The following SGCZ variants were observed in gnomAD, a reference collection of about 807,000 sequenced individuals.
SGCZ encodes sarcoglycan zeta, also known as zeta-sarcoglycan.
Under a neutral mutation model 41.3 loss-of-function variants are expected in SGCZ, and 40 were observed. The observed-to-expected ratio is 0.97, with a 90% CI of 0.75 to 1.26. The LOEUF (loss-of-function observed/expected upper bound fraction) is 1.26, where lower values mean the gene tolerates loss of function less well. Ranked by LOEUF, SGCZ falls within the 50% of genes most tolerant of loss-of-function variation. The probability of loss-of-function intolerance (pLI) is 0.00; values close to 1 mark genes in which losing one functional copy is unlikely to be tolerated. For synonymous variants in SGCZ, 206 were observed against 137.5 expected (o/e 1.50, Z -3.49); for missense variants, 552 against 369.8 (o/e 1.49, Z -4.04).
intron 2 of SGCZ, among the ~76,000 whole-genome samples, chr8:14,521,393 T>A (rs1202757158): frequency 2.0e-5 from 3 of 152,124 alleles, no homozygotes; most frequent in Non-Finnish European, 4.4e-5. Flanking sequence ...TAGTAATCTG[T>A]ACAACAAACT....
chr8:15,074,986 T>C (rs1213677655), intron 1 of SGCZ, among the ~76,000 whole-genome samples: 2 of 152,124 alleles, frequency 1.3e-5, no homozygotes, highest in East Asian at 1.9e-4. Context: ...ATGAATTGTA[T>C]CCTTCCTCTC....
chr8:14,294,656 G>T (rs1168013901), intron 3 of SGCZ, among the ~76,000 whole-genome samples: 1 of 151,882 alleles, frequency 6.6e-6, no homozygotes, highest in Non-Finnish European at 1.5e-5. Context: ...AAAAATATTT[G>T]AAAAATCACA....
intron 4 of SGCZ, among the ~76,000 whole-genome samples, chr8:14,190,245 C>T (rs554225825): frequency 9.9e-5 from 15 of 151,970 alleles, no homozygotes; most frequent in Admixed American, 3.3e-4. Context: ...AACTCCTGAC[C>T]TTGTGATCCG....
chr8:14,590,123 A>G (rs1400194240), intron 1 of SGCZ, among the ~76,000 whole-genome samples: 1 of 152,132 alleles, frequency 6.6e-6, no homozygotes, highest in Non-Finnish European at 1.5e-5. Context: ...AAAGAACAGT[A>G]ATAATCAAGT....
chr8:14,629,436 A>T (rs893191766), intron 1 of SGCZ, among the ~76,000 whole-genome samples: 4 of 152,178 alleles, frequency 2.6e-5, no homozygotes. Context: ...TATAATGTAC[A>T]AACAGATCCA....
At chr8:15,032,999 C>T (rs1803736721) in intron 1 of SGCZ, among the ~76,000 whole-genome samples, 1 of 152,098 alleles carries the variant, frequency 6.6e-6, no homozygotes, top group Admixed American at 6.5e-5. Flanking sequence ...ACCCCTACTC[C>T]AAGGCAACAG....
At chr8:15,172,323 G>A (rs980265668) in intron 1 of SGCZ, among the ~76,000 whole-genome samples, 9 of 150,370 alleles carry the variant, frequency 6.0e-5, no homozygotes, top group East Asian at 5.8e-4. Context: ...CACCATGCCC[G>A]GCTAATTTTT....
At chr8:15,044,924 T>G (rs1262425396) in intron 1 of SGCZ, among the ~76,000 whole-genome samples, 4 of 152,100 alleles carry the variant, frequency 2.6e-5, no homozygotes. Context: ...TAGTAAATTA[T>G]GATGGTTTTG....
intron 2 of SGCZ, among the ~76,000 whole-genome samples, chr8:14,436,666 T>C (rs1182713702): frequency 6.6e-6 from 1 of 152,232 alleles, no homozygotes; most frequent in Non-Finnish European, 1.5e-5. Flanking sequence ...AGTGTTTCTC[T>C]TTAGACTGTC....
At chr8:15,235,797 C>G (rs969474464) in intron 1 of SGCZ, among the ~76,000 whole-genome samples, 2 of 152,114 alleles carry the variant, frequency 1.3e-5, no homozygotes, top group Admixed American at 6.5e-5. Context: ...TCTTCTGTGT[C>G]ATACCCTAAA....
At position 14,933,937 on chromosome 8, in the gene SGCZ, T is replaced by A. The variant is rs566360969; in HGVS notation, c.39+303648A>T. On this transcript the variant is annotated intron_variant, in intron 1 of 7. Coordinates refer to ENST00000382080, the MANE Select transcript of SGCZ (RefSeq NM_139167.4). ...ACAAAATATACAGAAGAAAATGTTCTTAATCTTTACGGTGGGTGGAGAAGA... is the reference window on the plus strand; with the variant it reads ...ACAAAATATACAGAAGAAAATGTTCATAATCTTTACGGTGGGTGGAGAAGA... Among the ~76,000 whole-genome samples the A allele has an allele frequency of 1.6e-4, 25 of 152,162 alleles. 1 individual carries two copies. The highest frequency in any genetic ancestry group is 4.8e-4 in the African/African-American group (20 of 41,410).
At chr8:14,334,933 T>C (rs1802459419) in intron 2 of SGCZ, among the ~76,000 whole-genome samples, 1 of 152,100 alleles carries the variant, frequency 6.6e-6, no homozygotes, top group South Asian at 2.1e-4. Context: ...AAGAGTTAAG[T>C]GGAAGAACAG....
At chr8:14,518,165 A>G (rs1326737402) in intron 2 of SGCZ, among the ~76,000 whole-genome samples, 1 of 151,968 alleles carries the variant, frequency 6.6e-6, no homozygotes, top group African/African-American at 2.4e-5. Context: ...TAAGGTTTAA[A>G]TTTTTTAATA....
At chr8:14,958,557 A>G (rs1362239123) in intron 1 of SGCZ, among the ~76,000 whole-genome samples, 1 of 152,030 alleles carries the variant, frequency 6.6e-6, no homozygotes, top group Non-Finnish European at 1.5e-5. Context: ...ATGAGAAGTG[A>G]CTGTGGAGGT....
chr8:14,613,968 T>A (rs1031904750), intron 1 of SGCZ, among the ~76,000 whole-genome samples: 3 of 152,206 alleles, frequency 2.0e-5, no homozygotes, highest in Non-Finnish European at 4.4e-5. Context: ...CATGACAGAT[T>A]GATTTTTTTA....
At chr8:14,329,797 G>A (rs1158099178) in intron 2 of SGCZ, among the ~76,000 whole-genome samples, 1 of 151,926 alleles carries the variant, frequency 6.6e-6, no homozygotes, top group Non-Finnish European at 1.5e-5. Context: ...CTCCAATCCT[G>A]TTTGTTTTTA....
intron 1 of SGCZ, among the ~76,000 whole-genome samples, chr8:14,635,271 G>T (rs1308286857): frequency 2.0e-5 from 3 of 151,684 alleles, no homozygotes; most frequent in Non-Finnish European, 4.4e-5. Context: ...TGCTCAATCT[G>T]TTGTCTTTCT....
intron 2 of SGCZ, among the ~76,000 whole-genome samples, chr8:14,406,309 C>G (rs960482325): frequency 6.6e-6 from 1 of 152,162 alleles, no homozygotes; most frequent in Non-Finnish European, 1.5e-5. Flanking sequence ...ATGCCCCACT[C>G]TATTCACTTT....
intron 1 of SGCZ, among the ~76,000 whole-genome samples, chr8:14,621,451 A>G (rs1806282629): frequency 6.6e-6 from 1 of 152,076 alleles, no homozygotes; most frequent in Non-Finnish European, 1.5e-5. Flanking sequence ...AAATAAATAA[A>G]AAATAAAGAT....
Sources: allele counts gnomAD v4.1 joint callset (sites outside exome capture counted in the v4.1 genomes callset), GRCh38; gene constraint gnomAD v4.1.1; transcripts MANE v1.5; gene names NCBI Gene and HGNC (gene_info 2026-07-23, HGNC 2026-07-21).